The following TMTC1 variants were observed in gnomAD, a reference collection of about 807,000 sequenced individuals.
TMTC1 encodes the protein transmembrane O-mannosyltransferase targeting cadherins 1, also known as protein O-mannosyl-transferase TMTC1.
Under a neutral mutation model 104.8 loss-of-function variants are expected in TMTC1, and 73 were observed. That is an observed-to-expected ratio of 0.70 (90% CI 0.58 to 0.85). The LOEUF (loss-of-function observed/expected upper bound fraction) is 0.85. Ranked by LOEUF, TMTC1 falls within the 40% of genes least tolerant of loss-of-function variation. The pLI is 0.00. For synonymous variants in TMTC1, 434 were observed against 428.7 expected (o/e 1.01, Z -0.15); for missense variants, 1,035 against 1,096.1 (o/e 0.94, Z 0.79).
At chr12:29,605,102 A>C (rs1297405440) in intron 6 of TMTC1, among the ~76,000 whole-genome samples, 1 of 152,160 alleles carries the variant, frequency 6.6e-6, no homozygotes, top group African/African-American at 2.4e-5. Context: ...GAAGAGAGTT[A>C]TATTTAAAAC....
At chr12:29,671,368 A>G (rs1262513845) in intron 5 of TMTC1, among the ~76,000 whole-genome samples, 1 of 152,132 alleles carries the variant, frequency 6.6e-6, no homozygotes, top group African/African-American at 2.4e-5. Flanking sequence ...CAACTTTATC[A>G]CTACAAAAAA....
intron 6 of TMTC1, among the ~76,000 whole-genome samples, chr12:29,630,347 C>T (rs369350427): frequency 1.3e-5 from 2 of 152,102 alleles, no homozygotes; most frequent in Admixed American, 6.5e-5. Context: ...AGAATGAGTG[C>T]TGAGCAAAGG....
intron 10 of TMTC1, among the ~76,000 whole-genome samples, chr12:29,542,713 A>G (rs958023004): frequency 6.6e-6 from 1 of 152,136 alleles, no homozygotes; most frequent in East Asian, 1.9e-4. Context: ...AAAGCTAAAA[A>G]GACAGGATAA....
chr12:29,545,629 T>TCACTCACACA (rs1555167548), intron 10 of TMTC1, among the ~76,000 whole-genome samples: 7 of 73,576 alleles, frequency 9.5e-5, no homozygotes, highest in Non-Finnish European at 1.6e-4. Flanking sequence ...CAAGACTCTG[T>TCACTCACACA]CACACACACA....
At chr12:29,507,119 T>C (rs1943714943) in intron 17 of TMTC1, 133 bp from the exon 18 acceptor site, 1 of 729,714 alleles carries the variant, frequency 1.4e-6, no homozygotes, top group Non-Finnish European at 2.3e-6. Flanking sequence ...TGTCTGTATG[T>C]GTAATTTTAT....
At chr12:29,698,669 C>A (rs1941494567) in intron 5 of TMTC1, among the ~76,000 whole-genome samples, 1 of 152,182 alleles carries the variant, frequency 6.6e-6, no homozygotes, top group South Asian at 2.1e-4. Flanking sequence ...CACTTCAGTA[C>A]CTACATGCTT....
At chr12:29,526,720 A>G (rs749579040) in intron 11 of TMTC1, among the ~76,000 whole-genome samples, 2 of 152,136 alleles carry the variant, frequency 1.3e-5, no homozygotes, top group Non-Finnish European at 2.9e-5. Context: ...CTTTTAGAAA[A>G]TGTATCATAA....
Position 29,517,480 on chromosome 12 carries a change from A to T in TMTC1, c.2116T>A (p.Tyr706Asn). The change falls in exon 14 of 18, where the codon TAC becomes AAC. Residue 706 changes from tyrosine to asparagine, a missense_variant. Tyr to Asn is a moderately radical substitution (Grantham distance 143). Coordinates refer to ENST00000539277, the MANE Select transcript of TMTC1 (RefSeq NM_001193451.2). ...TGRYEEALQI[Y>N]QEAAALQPSQ... ...GGCTGAAGTGCTGCAGCTTCCTGGT[A>T]AATCTGCAAAGCCTCTTCGTATCGG... 1.9e-6 allele frequency: 3 copies of T among 1,614,110 alleles called. No individual in the cohort carries two copies. Among genetic ancestry groups the T allele is most frequent in the Non-Finnish European group, 2.5e-6 (3 of 1,179,992 alleles).
intron 5 of TMTC1, among the ~76,000 whole-genome samples, chr12:29,665,276 G>T (rs907487066): frequency 1.3e-5 from 2 of 152,120 alleles, no homozygotes; most frequent in Non-Finnish European, 2.9e-5. Flanking sequence ...TTAATCGAGG[G>T]TATTGGCATC....
At chr12:29,614,044 A>G in intron 6 of TMTC1, 1 of 355,474 alleles carries the variant, frequency 2.8e-6, no homozygotes, top group Non-Finnish European at 3.9e-6. Flanking sequence ...GAAGATCTAA[A>G]TGTTTTAGAG....
intron 6 of TMTC1, among the ~76,000 whole-genome samples, chr12:29,613,578 C>A (rs1200468636): frequency 4.6e-5 from 7 of 152,112 alleles, no homozygotes; most frequent in Non-Finnish European, 8.8e-5. Flanking sequence ...GAGATAGGAG[C>A]GCTTAATCAT....
At chr12:29,714,431 A>G (rs376572300) in intron 5 of TMTC1, among the ~76,000 whole-genome samples, 32 of 152,298 alleles carry the variant, frequency 2.1e-4, no homozygotes, top group African/African-American at 7.2e-4. Flanking sequence ...GATATTCTTA[A>G]GTGAAAATGG....
chr12:29,544,288 A>C (rs1388410529), intron 10 of TMTC1, among the ~76,000 whole-genome samples: 1 of 151,574 alleles, frequency 6.6e-6, no homozygotes, highest in Non-Finnish European at 1.5e-5. Context: ...CATTAGACAG[A>C]GTGGCGCAAA....
chr12:29,738,056 A>C (rs1942727951), intron 5 of TMTC1, among the ~76,000 whole-genome samples: 1 of 152,194 alleles, frequency 6.6e-6, no homozygotes. Flanking sequence ...GTACAACAGT[A>C]AGTGCCAATT....
At chr12:29,554,425 C>A (rs571028027) in intron 10 of TMTC1, among the ~76,000 whole-genome samples, 1 of 151,800 alleles carries the variant, frequency 6.6e-6, no homozygotes, top group African/African-American at 2.4e-5. Flanking sequence ...TGGAAAAGGA[C>A]TGTTGAATGT....
chr12:29,528,671 A>T (rs994776361), intron 11 of TMTC1, among the ~76,000 whole-genome samples: 26 of 152,198 alleles, frequency 1.7e-4, no homozygotes, highest in African/African-American at 6.3e-4. Flanking sequence ...AGGTTCCAAT[A>T]ACTCAAATGA....
At chr12:29,625,753 G>A (rs1377826132) in intron 6 of TMTC1, among the ~76,000 whole-genome samples, 5 of 152,210 alleles carry the variant, frequency 3.3e-5, no homozygotes, top group Non-Finnish European at 2.9e-5. Flanking sequence ...CTGCCATCAT[G>A]AGAGCTTATG....
At chr12:29,554,609 C>G (rs1000873710) in intron 10 of TMTC1, among the ~76,000 whole-genome samples, 1 of 152,126 alleles carries the variant, frequency 6.6e-6, no homozygotes, top group Non-Finnish European at 1.5e-5. Flanking sequence ...TGTCTCATGC[C>G]TATAATCCCG....
At chr12:29,696,468 C>G (rs1941427317) in intron 5 of TMTC1, among the ~76,000 whole-genome samples, 1 of 152,164 alleles carries the variant, frequency 6.6e-6, no homozygotes, top group Non-Finnish European at 1.5e-5. Context: ...GTGTAAGACA[C>G]TGTCACTCAT....
Sources: gnomAD v4.1 joint callset for allele counts (sites outside exome capture counted in the v4.1 genomes callset) on GRCh38, gnomAD v4.1.1 for gene constraint, MANE v1.5 for transcripts, NCBI Gene and HGNC (gene_info 2026-07-23, HGNC 2026-07-21) for gene names.